EMC8: variants seen among roughly 807,000 people sequenced by gnomAD.
EMC8 encodes COX4 neighbor.
In EMC8, 11 loss-of-function variants were observed where a neutral mutation model predicts 24.3. The ratio of observed to expected loss-of-function variants is 0.45; its 90% CI spans 0.28 to 0.75. The LOEUF (loss-of-function observed/expected upper bound fraction) is 0.75, where lower values mean the gene tolerates loss of function less well. Among genes scored for constraint, EMC8 ranks in the 30% least tolerant of loss-of-function variants. The pLI is 0.12. For synonymous variants in EMC8, 145 were observed against 117.7 expected (o/e 1.23, Z -1.50); for missense variants, 277 against 282.7 (o/e 0.98, Z 0.14).
At chr16:85,786,560 C>A (rs721946) in intron 2 of EMC8, among the ~76,000 whole-genome samples, 5,482 of 152,172 alleles carry the variant, frequency 0.036, 350 homozygotes, top group African/African-American at 0.12. Flanking sequence ...CTGGGCACAG[C>A]GGGGGAGGGG....
chr16:85,794,575 G>C (rs146812306), intron 1 of EMC8, among the ~76,000 whole-genome samples: 1 of 152,278 alleles, frequency 6.6e-6, no homozygotes, highest in Non-Finnish European at 1.5e-5. Flanking sequence ...GGTAGTACCA[G>C]CTACTTGGGA....
At chr16:85,790,060 G>T (rs1181842857) in intron 1 of EMC8, among the ~76,000 whole-genome samples, 1 of 152,094 alleles carries the variant, frequency 6.6e-6, no homozygotes, top group African/African-American at 2.4e-5. Context: ...AACAACAAAA[G>T]CTCATCCTGT....
At chr16:85,780,940 G>T in intron 3 of EMC8, 1 of 522,286 alleles carries the variant, frequency 1.9e-6, no homozygotes, top group Non-Finnish European at 3.5e-6. Flanking sequence ...GGTCTGGGGT[G>T]GGTGCCTGGG....
intron 1 of EMC8, chr16:85,792,974 T>C (rs1350075006): frequency 1.3e-5 from 2 of 152,222 alleles, no homozygotes; most frequent in Non-Finnish European, 2.9e-5. Context: ...GACTCTGATA[T>C]AGACACCTTC....
intron 2 of EMC8, among the ~76,000 whole-genome samples, chr16:85,785,527 G>A (rs1158248995): frequency 6.6e-6 from 1 of 152,142 alleles, no homozygotes; most frequent in East Asian, 1.9e-4. Flanking sequence ...GCGAGATCGT[G>A]CCACTGCACT....
intron 2 of EMC8, 169 bp from the exon 3 acceptor site, chr16:85,781,449 G>C (rs1023650125): frequency 3.7e-5 from 22 of 592,790 alleles, no homozygotes; most frequent in Non-Finnish European, 4.0e-5. Flanking sequence ...TTTTTTGGTA[G>C]AGATAGGGTC....
At chr16:85,787,119 G>C (rs1311176263) in intron 2 of EMC8, among the ~76,000 whole-genome samples, 2 of 152,136 alleles carry the variant, frequency 1.3e-5, no homozygotes, top group Non-Finnish European at 2.9e-5. Context: ...GCACAGAGGA[G>C]CCCTCAGCTG....
At chr16:85,788,908 CGA>C (rs1308655642) in intron 2 of EMC8, 64 bp downstream of exon 2, 2 of 1,169,248 alleles carry the variant, frequency 1.7e-6, no homozygotes, top group African/African-American at 1.5e-5. Context: ...GAAAAGCACA[CGA>C]GAGACGGGGT....
chr16:85,794,764 G>T (rs537316016), intron 1 of EMC8, among the ~76,000 whole-genome samples: 1 of 152,218 alleles, frequency 6.6e-6, no homozygotes, highest in East Asian at 1.9e-4. Flanking sequence ...AGTTACCGCA[G>T]GGAGTCAAGT....
At chr16:85,785,542 C>T (rs1904715360) in intron 2 of EMC8, among the ~76,000 whole-genome samples, 1 of 152,158 alleles carries the variant, frequency 6.6e-6, no homozygotes, top group African/African-American at 2.4e-5. Flanking sequence ...TGCACTCCAG[C>T]CTGGGTGACA....
chr16:85,790,678 G>A (rs997944138), intron 1 of EMC8, among the ~76,000 whole-genome samples: 1 of 152,104 alleles, frequency 6.6e-6, no homozygotes, highest in African/African-American at 2.4e-5. Context: ...CCTCCTGAGT[G>A]TGTCCTCCCC....
At chr16:85,781,087 G>A (rs1460321059) in intron 3 of EMC8, 124 bp downstream of exon 3, 10 of 675,810 alleles carry the variant, frequency 1.5e-5, no homozygotes, top group East Asian at 2.7e-5. Flanking sequence ...TGCAAGAGGC[G>A]GCAATGGTCT....
intron 1 of EMC8, among the ~76,000 whole-genome samples, chr16:85,796,569 G>T (rs1360203771): frequency 6.6e-6 from 1 of 152,170 alleles, no homozygotes; most frequent in Non-Finnish European, 1.5e-5. Flanking sequence ...GCCTCTGCAT[G>T]ATCTACAAGG....
chr16:85,796,928 T>C (rs562718082), intron 1 of EMC8, among the ~76,000 whole-genome samples: 1 of 152,374 alleles, frequency 6.6e-6, no homozygotes, highest in African/African-American at 2.4e-5. Context: ...CTTCAAGTGC[T>C]AAGCAGGTAC....
At chr16:85,794,464 G>A (rs747234728) in intron 1 of EMC8, among the ~76,000 whole-genome samples, 23 of 152,236 alleles carry the variant, frequency 1.5e-4, no homozygotes, top group Non-Finnish European at 2.9e-4. Context: ...CGAGGCGAGC[G>A]GACTGCCTGA....
intron 2 of EMC8, among the ~76,000 whole-genome samples, chr16:85,788,143 C>A (rs1447088617): frequency 1.3e-5 from 2 of 152,232 alleles, no homozygotes; most frequent in Non-Finnish European, 2.9e-5. Context: ...TGGCTCGGTT[C>A]AGCCAAAGGA....
intron 4 of EMC8, 24 bp from the exon 5 acceptor site, chr16:85,779,891 C>A: frequency 6.2e-7 from 1 of 1,610,890 alleles, no homozygotes; most frequent in African/African-American, 1.3e-5. Flanking sequence ...ATGAAGAAGT[C>A]AGCATCTAAC....
chr16:85,791,176 T>C lies in EMC8; in HGVS notation c.232-2126A>G, dbSNP rs77179934. ...AATTTTATTGAAGGATTTTTCACCATCCATAGAGATTATCATATGATTGTT... is the reference window on the plus strand; with the variant it reads ...AATTTTATTGAAGGATTTTTCACCACCCATAGAGATTATCATATGATTGTT... On this transcript the variant is annotated intron_variant, in intron 1 of 4. Transcript: ENST00000253457. Among the ~76,000 whole-genome samples, 1,296 of 152,204 alleles carry C rather than the reference T, an allele frequency of 8.5e-3. 6 individuals are homozygous for C. Among genetic ancestry groups the C allele is most frequent in the Non-Finnish European group, 0.012 (845 of 68,012 alleles).
chr16:85,790,509 CA>C (rs1437688309), intron 1 of EMC8, among the ~76,000 whole-genome samples: 1 of 152,188 alleles, frequency 6.6e-6, no homozygotes, highest in South Asian at 2.1e-4. Flanking sequence ...TTGTTTCTAT[CA>C]CCTCTTAATG....
Sources: gnomAD v4.1 joint callset for allele counts (sites outside exome capture counted in the v4.1 genomes callset) on GRCh38, gnomAD v4.1.1 for gene constraint, MANE v1.5 for transcripts, NCBI Gene and HGNC (gene_info 2026-07-23, HGNC 2026-07-21) for gene names.